GSE1: variants seen among roughly 807,000 people sequenced by gnomAD.
GSE1 encodes the protein Gse1 coiled-coil protein.
A neutral mutation model predicts 112.6 loss-of-function variants in GSE1; 32 were observed. The ratio of observed to expected loss-of-function variants is 0.28; its 90% CI spans 0.21 to 0.38. The LOEUF (loss-of-function observed/expected upper bound fraction) is 0.38. Among genes scored for constraint, GSE1 ranks in the 10% least tolerant of loss-of-function variants. GSE1 has a pLI of 1.00. For missense variants in GSE1, 2,348 were observed against 1,699.2 expected (o/e 1.38, Z -6.71); for synonymous variants, 1,115 against 735.6 (o/e 1.52, Z -8.35).
chr16:85,326,085 C>T (rs1041368856), intron 1 of GSE1, among the ~76,000 whole-genome samples: 8 of 152,122 alleles, frequency 5.3e-5, no homozygotes, highest in African/African-American at 1.2e-4. Context: ...AAAAATTTGA[C>T]AGGGGTAGAA....
chr16:85,639,082 A>G (rs2050233992), intron 2 of GSE1, among the ~76,000 whole-genome samples: 1 of 152,174 alleles, frequency 6.6e-6, no homozygotes, highest in Non-Finnish European at 1.5e-5. Context: ...GCCCCTTCCC[A>G]GCGACCGGCC....
At chr16:85,242,939 G>A (rs1039189493) in intron 1 of GSE1, among the ~76,000 whole-genome samples, 4 of 152,136 alleles carry the variant, frequency 2.6e-5, no homozygotes, top group African/African-American at 7.2e-5. Flanking sequence ...AGCCTCCTGA[G>A]TAGCTGAGAC....
At chr16:85,212,749 G>T (rs1207565995) in intron 1 of GSE1, among the ~76,000 whole-genome samples, 1 of 152,198 alleles carries the variant, frequency 6.6e-6, no homozygotes, top group African/African-American at 2.4e-5. Context: ...CCGCCCACTC[G>T]CAGGGGTGAC....
At chr16:85,541,771 T>G (rs1017949201) in intron 2 of GSE1, among the ~76,000 whole-genome samples, 1 of 152,152 alleles carries the variant, frequency 6.6e-6, no homozygotes, top group Non-Finnish European at 1.5e-5. Flanking sequence ...GCACAGAACA[T>G]TCCACATGCG....
intron 2 of GSE1, 75 bp downstream of exon 2, chr16:85,634,207 C>T (rs773573755): frequency 1.5e-4 from 155 of 1,018,134 alleles, no homozygotes; most frequent in Middle Eastern, 6.5e-4. Context: ...CCGCCTGCGG[C>T]GTGCACGCTC....
intron 1 of GSE1, among the ~76,000 whole-genome samples, chr16:85,557,113 A>T (rs1009649174): frequency 4.6e-5 from 7 of 152,114 alleles, no homozygotes; most frequent in African/African-American, 1.4e-4. Flanking sequence ...CCTTAAAAAA[A>T]ATTAAGTGTA....
chr16:85,343,943 C>T (rs1416024977), intron 1 of GSE1, among the ~76,000 whole-genome samples: 2 of 152,328 alleles, frequency 1.3e-5, no homozygotes, highest in South Asian at 2.1e-4. Flanking sequence ...CAAATGCAAC[C>T]GGGCACAGTC....
At chr16:85,562,242 G>C (rs889584148) in intron 1 of GSE1, among the ~76,000 whole-genome samples, 2 of 152,270 alleles carry the variant, frequency 1.3e-5, no homozygotes, top group African/African-American at 4.8e-5. Context: ...TTAATCTTCC[G>C]ATACCCCTGA....
At chr16:85,454,258 T>C (rs1448097242) in intron 2 of GSE1, among the ~76,000 whole-genome samples, 1 of 152,206 alleles carries the variant, frequency 6.6e-6, no homozygotes, top group Non-Finnish European at 1.5e-5. Context: ...GTGTGTAATT[T>C]TCATACCCTC....
At chr16:85,236,024 G>A (rs1904618402) in intron 1 of GSE1, among the ~76,000 whole-genome samples, 1 of 150,086 alleles carries the variant, frequency 6.7e-6, no homozygotes, top group South Asian at 2.1e-4. Context: ...CTGGGGCTGC[G>A]GCTGGGGCTG....
At chr16:85,621,342 C>A (rs759172905) in intron 1 of GSE1, among the ~76,000 whole-genome samples, 6 of 152,348 alleles carry the variant, frequency 3.9e-5, no homozygotes, top group Non-Finnish European at 8.8e-5. Context: ...TAGATCGTCT[C>A]TTGAAAAAGG....
At chr16:85,657,221 G>A (rs781137258) in intron 7 of GSE1, 56 bp from the exon 8 acceptor site, 2 of 1,217,314 alleles carry the variant, frequency 1.6e-6, no homozygotes, top group Non-Finnish European at 2.3e-6. Flanking sequence ...AGGACGGGGA[G>A]GGAGCATGCT....
chr16:85,604,959 A>G (rs1308356009), intron 1 of GSE1, among the ~76,000 whole-genome samples: 1 of 140,820 alleles, frequency 7.1e-6, no homozygotes, highest in Admixed American at 7.2e-5. Context: ...CTGGGACTAC[A>G]GGCGCCCTCC....
chr16:85,387,396 G>T (rs937602564), intron 2 of GSE1, among the ~76,000 whole-genome samples: 1 of 152,168 alleles, frequency 6.6e-6, no homozygotes, highest in Non-Finnish European at 1.5e-5. Flanking sequence ...TGCTGAAGCC[G>T]TTGTGGCTCC....
chr16:85,546,680 C>A (rs2044713381), intron 2 of GSE1, among the ~76,000 whole-genome samples: 1 of 152,220 alleles, frequency 6.6e-6, no homozygotes, highest in South Asian at 2.1e-4. Flanking sequence ...CCGGGCCAGG[C>A]CTGGACGCGG....
intron 2 of GSE1, among the ~76,000 whole-genome samples, chr16:85,359,097 AT>A (rs1247578647): frequency 2.0e-5 from 3 of 151,986 alleles, no homozygotes; most frequent in Non-Finnish European, 2.9e-5. Context: ...GGGAGTTATG[AT>A]TTGTTTGCGA....
chr16:85,272,507 C>A (rs771541436), intron 1 of GSE1, among the ~76,000 whole-genome samples: 3 of 152,180 alleles, frequency 2.0e-5, no homozygotes, highest in African/African-American at 7.2e-5. Context: ...AGGTGGCATT[C>A]TCCTAAACCT....
chr16:85,322,302 G>A (rs1004590539), intron 1 of GSE1, among the ~76,000 whole-genome samples: 4 of 152,138 alleles, frequency 2.6e-5, no homozygotes, highest in Admixed American at 6.5e-5. Flanking sequence ...CCGGGCGGGC[G>A]GGGGGGAAGG....
At position 85,655,838 on chromosome 16, in the gene GSE1, G is replaced by T. The variant is rs200285225; in HGVS notation, c.910G>T (p.Val304Phe). The T allele has an allele frequency of 1.9e-6, 3 of 1,610,844 alleles. No individual in the cohort carries two copies. Among genetic ancestry groups the T allele is most frequent in the Non-Finnish European group, 2.5e-6 (3 of 1,179,810 alleles). Residue 304 changes from valine (V) to phenylalanine (F), a missense_variant, in exon 6 of 16, where the codon GTC becomes TTC. Transcript: ENST00000253458. The part of the protein sequence containing the change: ...PSAMHLHLSG[V>F]RYPPELSHSS... Reference sequence around the variant, plus strand: ...AGCGATGCACCTGCACCTCTCTGGGGTCCGCTACCCTCCCGAGCTCTCCCA... The same window carrying T: ...AGCGATGCACCTGCACCTCTCTGGGTTCCGCTACCCTCCCGAGCTCTCCCA...
Sources: gnomAD v4.1 joint callset for allele counts (sites outside exome capture counted in the v4.1 genomes callset) on GRCh38, gnomAD v4.1.1 for gene constraint, MANE v1.5 for transcripts, NCBI Gene and HGNC (gene_info 2026-07-23, HGNC 2026-07-21) for gene names.